Variants in SORBS2 observed in about 807,000 individuals in gnomAD.
The protein encoded by SORBS2 is sorbin and SH3 domain containing 2, also known as sorbin and SH3 domain-containing protein 2.
A neutral mutation model predicts 97.7 loss-of-function variants in SORBS2; 46 were observed. The ratio of observed to expected loss-of-function variants is 0.47; its 90% confidence interval spans 0.37 to 0.60. SORBS2 has a LOEUF of 0.60. Ranked by LOEUF, SORBS2 falls within the 20% of genes least tolerant of loss-of-function variation. SORBS2 has a pLI of 0.00. For missense variants in SORBS2, 1,316 were observed against 1,282.3 expected, an observed-to-expected ratio of 1.03 and a Z score of -0.40; for synonymous variants, 476 against 473.4, an observed-to-expected ratio of 1.01 and a Z score of -0.07.
rs147897153 is a variant in SORBS2, at chr4:185,588,021, C to T, written c.2954-333G>A. 244 of 228,634 alleles carry T rather than the reference C, an allele frequency of 1.1e-3. 5 individuals are homozygous for T. The highest frequency in any genetic ancestry group is 5.3e-3 in the African/African-American group (232 of 43,954). The allele number at this position is 228,634 out of a possible 1,614,324, so 14.2% of individuals were successfully genotyped here. ...GTCACTGAGGCTGCCACACCAGAGTCGGGGGTGAGGGATCAAGGCGAGGCT... is the reference window on the plus strand; with the variant it reads ...GTCACTGAGGCTGCCACACCAGAGTTGGGGGTGAGGGATCAAGGCGAGGCT... On this transcript the variant is annotated intron_variant, in intron 14 of 14. Coordinates refer to ENST00000418609, the Ensembl canonical transcript of SORBS2.
At chr4:185,838,047 A>C (rs1481894804) in intron 1 of SORBS2, among the ~76,000 whole-genome samples, 3 of 152,216 alleles carry the variant, frequency 2.0e-5, no homozygotes, top group African/African-American at 7.2e-5. Context: ...CTTCTTTTAT[A>C]ACATTTCCCA....
intron 1 of SORBS2, among the ~76,000 whole-genome samples, chr4:185,906,529 C>G (rs1451148944): frequency 2.0e-5 from 3 of 152,080 alleles, no homozygotes; most frequent in Non-Finnish European, 4.4e-5. Flanking sequence ...TTAGCAGGAC[C>G]AACTTTTGGT....
chr4:185,717,336 C>T (rs1190562846), intron 2 of SORBS2, among the ~76,000 whole-genome samples: 1 of 152,200 alleles, frequency 6.6e-6, no homozygotes. Flanking sequence ...TTTTCTGTTA[C>T]TTCCTGTGAG....
At chr4:185,934,570 G>A (rs2149978861) in intron 1 of SORBS2, among the ~76,000 whole-genome samples, 1 of 152,068 alleles carries the variant, frequency 6.6e-6, no homozygotes, top group South Asian at 2.1e-4. Flanking sequence ...ACACCAGCCT[G>A]GCCAACATGA....
At position 185,916,841 on chromosome 4, in the gene SORBS2, C is replaced by A. The variant is rs1351549906; in HGVS notation, c.-338+39355G>T. Among the ~76,000 whole-genome samples, 3 of 152,282 alleles carry A rather than the reference C, an allele frequency of 2.0e-5. No homozygotes were observed. In the East Asian group the frequency reaches 5.8e-4, roughly 29 times the overall value. On this transcript the variant is annotated intron_variant, in intron 1 of 20. Transcript: ENST00000284776. ...CAGTGCACAGGTTGACTATACAACT[C>A]GTCAAATCCTTAGAATCTGCAAAGG...
At position 185,877,175 on chromosome 4, in the gene SORBS2, C is replaced by T. The variant is rs562516158; in HGVS notation, c.-338+79021G>A. ...AAATAAACAGCAGCCATAATAATGT[C>T]GTATATTAATATAACCATCCAGAAA... On this transcript the variant is annotated intron_variant, in intron 1 of 20. Transcript: ENST00000284776. 3.3e-5 allele frequency among the ~76,000 whole-genome samples: 5 copies of T among 152,094 alleles called. No individual in the cohort carries two copies. In the South Asian group the frequency reaches 8.3e-4, roughly 25 times the overall value.
At chr4:185,730,271 G>A (rs1254617540) in intron 2 of SORBS2, among the ~76,000 whole-genome samples, 2 of 130,076 alleles carry the variant, frequency 1.5e-5, no homozygotes, top group South Asian at 2.7e-4. Context: ...CCAGGAAAGT[G>A]TAATTCTAAT....
At chr4:185,806,713 C>A (rs1331100064) in intron 1 of SORBS2, among the ~76,000 whole-genome samples, 1 of 152,052 alleles carries the variant, frequency 6.6e-6, no homozygotes, top group African/African-American at 2.4e-5. Flanking sequence ...CCGCCTCGGC[C>A]TCCCAAAGTG....
intron 1 of SORBS2, among the ~76,000 whole-genome samples, chr4:185,872,037 C>T (rs1489453759): frequency 5.9e-5 from 9 of 152,220 alleles, no homozygotes; most frequent in East Asian, 5.8e-4. Flanking sequence ...AAAAACTTTA[C>T]GTGTGTAAAT....
intron 1 of SORBS2, 117 bp from the exon 10 acceptor site, chr4:185,652,845 T>C (rs1439995217): frequency 1.3e-6 from 1 of 790,812 alleles, no homozygotes; most frequent in African/African-American, 1.7e-5. Context: ...TGTGATAAAA[T>C]GTTCTGACTC....
chr4:185,947,706 G>A (rs1157393311), intron 1 of SORBS2, among the ~76,000 whole-genome samples: 2 of 152,274 alleles, frequency 1.3e-5, no homozygotes, highest in East Asian at 3.9e-4. Context: ...CGCCTCCTGG[G>A]CTCAAGTGAT....
chr4:185,645,543 CG>C (rs984203647), intron 4 of SORBS2: 3 of 152,070 alleles, frequency 2.0e-5, no homozygotes, highest in African/African-American at 4.8e-5. Context: ...AGAACACAAC[CG>C]CAAACACAGG....
chr4:185,596,145 G>A (rs1272580752), intron 12 of SORBS2, among the ~76,000 whole-genome samples: 7 of 152,074 alleles, frequency 4.6e-5, no homozygotes, highest in Admixed American at 4.6e-4. Context: ...TGGCATCCCT[G>A]TTTTCACACA....
intron 1 of SORBS2, among the ~76,000 whole-genome samples, chr4:185,818,791 A>C (rs1003421845): frequency 6.6e-6 from 1 of 151,136 alleles, no homozygotes; most frequent in East Asian, 2.0e-4. Flanking sequence ...GTGCCACTGC[A>C]CTCCAGCCTG....
intron 1 of SORBS2, among the ~76,000 whole-genome samples, chr4:185,794,437 G>T (rs2099095971): frequency 6.6e-6 from 1 of 152,158 alleles, no homozygotes; most frequent in Admixed American, 6.5e-5. Flanking sequence ...TAAGGCAGGG[G>T]AGTTGCAGTC....
intron 1 of SORBS2, among the ~76,000 whole-genome samples, chr4:185,654,985 G>T (rs919237832): frequency 1.3e-5 from 2 of 152,106 alleles, no homozygotes; most frequent in African/African-American, 2.4e-5. Context: ...TTTCAGTTTT[G>T]AAAATACTCA....
Position 185,623,729 on chromosome 4 carries a change from G to A in SORBS2, c.1400C>T (p.Pro467Leu), listed in dbSNP as rs923623813. The A allele has an allele frequency of 1.9e-6, 3 of 1,614,050 alleles. No individual in the cohort carries two copies. In the South Asian group the frequency reaches 3.3e-5, roughly 18 times the overall value. Residue 467 changes from proline (P) to leucine (L), a missense_variant, in exon 7 of 15, where the codon CCC becomes CTC. Pro to Leu is a moderately conservative substitution (Grantham distance 98). Transcript: ENST00000418609. This position sits in a 1 kb window ranked among gnomAD's most constrained non-coding sequence, Gnocchi z 6.4. ...GCAGCCTCGCCGGCCCCGAGCGGGGGGGCCGCTTTGATTTTCTTCCTCCAG... is the reference window on the plus strand; with the variant it reads ...GCAGCCTCGCCGGCCCCGAGCGGGGAGGCCGCTTTGATTTTCTTCCTCCAG...
At chr4:185,773,984 CT>C (rs2098987031) in intron 2 of SORBS2, 1 of 139,602 alleles carries the variant, frequency 7.2e-6, no homozygotes, top group Non-Finnish European at 1.6e-5. Flanking sequence ...TTCTAATTTT[CT>C]TTTTCTTTGT....
Position 185,664,870 on chromosome 4 carries a change from T to TA in SORBS2, c.-45-2629dup, listed in dbSNP as rs200630303. Among the ~76,000 whole-genome samples the TA allele has an allele frequency of 1.5e-3, 230 of 150,450 alleles. 1 individual carries two copies. The East Asian group carries it at 0.024, about 16-fold the overall frequency. The stretch of plus-strand genomic sequence containing the variant: ...TCGGAACTTCATTATAATATCAATT[T>TA]AAAAAAAAAATCTGATTTTTTTGCC... On this transcript the variant is annotated intron_variant, in intron 4 of 20. Coordinates refer to the SORBS2 transcript ENST00000284776.
Sources: allele counts gnomAD v4.1 joint callset (sites outside exome capture counted in the v4.1 genomes callset), GRCh38; gene constraint gnomAD v4.1.1; non-coding constraint Gnocchi (gnomAD v3.1); transcripts MANE v1.5; gene names NCBI Gene and HGNC (gene_info 2026-07-23, HGNC 2026-07-21).